OLFML2A: variants seen among roughly 807,000 people sequenced by gnomAD.
The protein encoded by OLFML2A is olfactomedin like 2A, also known as olfactomedin-like protein 2A.
Under a neutral mutation model 60.9 loss-of-function variants are expected in OLFML2A, and 47 were observed. The observed-to-expected ratio is 0.77, with a 90% confidence interval of 0.61 to 0.98. The LOEUF (loss-of-function observed/expected upper bound fraction) is 0.98, where lower values mean the gene tolerates loss of function less well. Among genes scored for constraint, OLFML2A ranks in the 50% least tolerant of loss-of-function variants. The pLI, the probability that OLFML2A is intolerant of heterozygous loss-of-function variation, is 0.00. For missense variants in OLFML2A, 922 were observed against 879.8 expected, an observed-to-expected ratio of 1.05 and a Z score of -0.61; for synonymous variants, 372 against 375.0, an observed-to-expected ratio of 0.99 and a Z score of 0.09.
At chr9:124,781,520 G>C (rs957412232) in intron 1 of OLFML2A, among the ~76,000 whole-genome samples, 23 of 152,174 alleles carry the variant, frequency 1.5e-4, no homozygotes, top group Admixed American at 4.6e-4. Flanking sequence ...TTGGGCGGGC[G>C]TGGTGGCTCA....
chr9:124,810,964 T>G lies in OLFML2A; in HGVS notation c.*552T>G, dbSNP rs974124239. On this transcript the variant is annotated 3_prime_UTR_variant, in exon 8 of 8. Transcript: ENST00000373580. Reference sequence around the variant, plus strand: ...TCCTAGGGCCCTGTTCTGGCTGAGCTGTTGGTGGCCCTGGGCTTTGGGCCC... The same window carrying G: ...TCCTAGGGCCCTGTTCTGGCTGAGCGGTTGGTGGCCCTGGGCTTTGGGCCC... 6.5e-6 allele frequency: 1 copy of G among 154,648 alleles called. No homozygotes were observed. Among genetic ancestry groups the G allele is most frequent in the Non-Finnish European group, 1.4e-5 (1 of 69,582 alleles). The allele number at this position is 154,648 out of a possible 1,614,324, so 9.6% of individuals were successfully genotyped here.
At chr9:124,787,374 TC>T in intron 2 of OLFML2A, 136 bp downstream of exon 2, 4 of 811,764 alleles carry the variant, frequency 4.9e-6, no homozygotes, top group Non-Finnish European at 7.7e-6. Context: ...AAACTGAGGC[TC>T]CCTGAGGGGA....
At chr9:124,808,111 G>C in intron 7 of OLFML2A, 145 bp downstream of exon 7, 2 of 656,658 alleles carry the variant, frequency 3.0e-6, no homozygotes, top group Non-Finnish European at 5.2e-6. Flanking sequence ...CAAGGAGGGG[G>C]TTCTGGGCTG....
chr9:124,805,958 G>A (rs917651302), intron 6 of OLFML2A, among the ~76,000 whole-genome samples: 2 of 151,352 alleles, frequency 1.3e-5, no homozygotes, highest in Admixed American at 1.3e-4. Context: ...TGGGATTTCA[G>A]GCACACACCA....
Position 124,795,004 on chromosome 9 carries a change from C to T in OLFML2A, c.355-20C>T. 1 of 1,488,826 alleles carries T rather than the reference C, an allele frequency of 6.7e-7. No homozygotes were observed. Among genetic ancestry groups the T allele is most frequent in the Non-Finnish European group, 9.3e-7 (1 of 1,078,568 alleles). The allele number at this position is 1,488,826 out of a possible 1,614,324, so 92.2% of individuals were successfully genotyped here. On this transcript the variant is annotated intron_variant, in intron 2 of 7. Coordinates refer to ENST00000373580, the MANE Select transcript of OLFML2A (RefSeq NM_182487.4). ...CCATGTGCTGCACTCTTTGCCTAAC[C>T]ATCCCCCTTCCCCGGGCAGCTGCAG...
intron 2 of OLFML2A, 126 bp downstream of exon 2, chr9:124,787,364 A>G: frequency 2.2e-6 from 2 of 904,726 alleles, no homozygotes; most frequent in South Asian, 3.4e-5. Flanking sequence ...ACAGATGAGG[A>G]AACTGAGGCT....
chr9:124,807,662 G>A (rs866608836), intron 6 of OLFML2A, 119 bp from the exon 7 acceptor site: 9 of 713,072 alleles, frequency 1.3e-5, no homozygotes, highest in African/African-American at 7.2e-5. Context: ...GGGAAAGAAG[G>A]CCACAAACAA....
At chr9:124,784,943 G>GTTTTTGT (rs1841429797) in intron 1 of OLFML2A, among the ~76,000 whole-genome samples, 2 of 69,542 alleles carry the variant, frequency 2.9e-5, no homozygotes, top group Admixed American at 2.0e-4. Context: ...CCTTTTACTT[G>GTTTTTGT]TTTTTTTTTT....
rs767025818 is a variant in OLFML2A, at chr9:124,801,682, G to A, written c.919+19G>A. 16 of 1,607,906 alleles carry A rather than the reference G, an allele frequency of 1.0e-5. No homozygotes were observed. In the Admixed American group the frequency reaches 2.5e-4, roughly 25 times the overall value. On this transcript the variant is annotated intron_variant, in intron 5 of 7. Coordinates refer to ENST00000373580, the MANE Select transcript of OLFML2A (RefSeq NM_182487.4). ...GTGGCAGGTGAGTAGGAGGGGAATG[G>A]GGACCCTGGGGAGTCAGGGATGGAT... is the stretch of plus-strand genomic sequence containing the variant.
At chr9:124,802,912 A>G (rs1204317026) in intron 5 of OLFML2A, among the ~76,000 whole-genome samples, 2 of 147,506 alleles carry the variant, frequency 1.4e-5, no homozygotes, top group Non-Finnish European at 3.0e-5. Context: ...TGGTGTCACA[A>G]TTTTTTTTTT....
At chr9:124,781,309 G>A (rs1335276763) in intron 1 of OLFML2A, among the ~76,000 whole-genome samples, 1 of 152,176 alleles carries the variant, frequency 6.6e-6, no homozygotes, top group African/African-American at 2.4e-5. Context: ...AGAGATCCAG[G>A]CTGGGCAGGA....
intron 3 of OLFML2A, among the ~76,000 whole-genome samples, chr9:124,798,371 A>G (rs1315147965): frequency 6.6e-6 from 1 of 151,994 alleles, no homozygotes; most frequent in Non-Finnish European, 1.5e-5. Flanking sequence ...GCATGGAGGC[A>G]CGCGCCTGTA....
At chr9:124,780,556 G>A (rs549462287) in intron 1 of OLFML2A, among the ~76,000 whole-genome samples, 10 of 152,336 alleles carry the variant, frequency 6.6e-5, no homozygotes, top group Admixed American at 3.3e-4. Context: ...GGGAGTTTCC[G>A]CCTGTGGGTG....
intron 1 of OLFML2A, among the ~76,000 whole-genome samples, chr9:124,785,593 G>A (rs1054845565): frequency 6.6e-6 from 1 of 151,016 alleles, no homozygotes; most frequent in Admixed American, 6.6e-5. Flanking sequence ...GTAGAGACGG[G>A]GTTTCACCAT....
intron 3 of OLFML2A, among the ~76,000 whole-genome samples, chr9:124,797,724 C>G (rs977213625): frequency 3.9e-5 from 6 of 152,218 alleles, no homozygotes; most frequent in African/African-American, 1.4e-4. Flanking sequence ...CTTTGGCGAA[C>G]TGGGACTGAT....
At chr9:124,790,150 A>C (rs2131253329) in intron 2 of OLFML2A, among the ~76,000 whole-genome samples, 1 of 152,282 alleles carries the variant, frequency 6.6e-6, no homozygotes, top group South Asian at 2.1e-4. Flanking sequence ...AAGATCATAT[A>C]GCAAGAAAGT....
rs33992732 is a variant in OLFML2A, at chr9:124,779,547, T to TG, written c.90+2197dup. On this transcript the variant is annotated intron_variant, in intron 1 of 7. Transcript: ENST00000373580. The surrounding 1 kb of genome is among the most constrained non-coding windows in gnomAD (Gnocchi z 4.1). ...CTTGCTAGGTTGTGTGTGTGTGTGG[T>TG]GGGGGGGGGGTGTTTAGCTGTCCCA... 0.02 allele frequency among the ~76,000 whole-genome samples: 2,701 copies of TG among 133,180 alleles called. 26 individuals are homozygous for TG. The highest frequency in any genetic ancestry group is 0.062 in the Middle Eastern group (16 of 260). 87.4% of individuals were successfully genotyped at this position (133,180 alleles called of 152,430 possible). A position where few individuals can be genotyped will look rare whatever the true frequency, so the allele number is the denominator to read the frequency against.
At chr9:124,797,713 G>A (rs993225659) in intron 3 of OLFML2A, among the ~76,000 whole-genome samples, 1 of 152,224 alleles carries the variant, frequency 6.6e-6, no homozygotes, top group African/African-American at 2.4e-5. Flanking sequence ...ATCTACTAGA[G>A]CTTTGGCGAA....
intron 2 of OLFML2A, among the ~76,000 whole-genome samples, chr9:124,787,573 T>G (rs1171187558): frequency 1.3e-5 from 2 of 151,898 alleles, no homozygotes; most frequent in Non-Finnish European, 2.9e-5. Flanking sequence ...TTTTATTTAT[T>G]TCTTGAAACA....
Sources: gnomAD v4.1 joint callset for allele counts (sites outside exome capture counted in the v4.1 genomes callset) on GRCh38, gnomAD v4.1.1 for gene constraint, Gnocchi (gnomAD v3.1) non-coding constraint, MANE v1.5 for transcripts, NCBI Gene and HGNC (gene_info 2026-07-23, HGNC 2026-07-21) for gene names.